Variants in MAP3K3 observed in about 807,000 individuals in gnomAD.
The protein encoded by MAP3K3 is MAP/ERK kinase kinase 3.
Under a neutral mutation model 80.9 loss-of-function variants are expected in MAP3K3, and 12 were observed. The ratio of observed to expected loss-of-function variants is 0.15; its 90% CI spans 0.10 to 0.24. The LOEUF (loss-of-function observed/expected upper bound fraction) is 0.24. Among genes scored for constraint, MAP3K3 ranks in the 10% least tolerant of loss-of-function variants. MAP3K3 has a pLI of 1.00. For synonymous variants in MAP3K3, 272 were observed against 307.1 expected, an observed-to-expected ratio of 0.89 and a Z score of 1.19; for missense variants, 596 against 834.7, an observed-to-expected ratio of 0.71 and a Z score of 3.52.
intron 1 of MAP3K3, among the ~76,000 whole-genome samples, chr17:63,629,991 G>A (rs987274628): frequency 1.3e-5 from 2 of 152,192 alleles, no homozygotes; most frequent in Non-Finnish European, 2.9e-5. Flanking sequence ...GTGCCTGTAT[G>A]TGTATTCACA....
At chr17:63,623,429 T>G (rs780790306) in intron 1 of MAP3K3, among the ~76,000 whole-genome samples, 1 of 152,238 alleles carries the variant, frequency 6.6e-6, no homozygotes, top group Non-Finnish European at 1.5e-5. Flanking sequence ...ATCCTACTTT[T>G]TGAAAAATCC....
chr17:63,652,199 A>G (rs771727927), intron 3 of MAP3K3, among the ~76,000 whole-genome samples: 1 of 152,038 alleles, frequency 6.6e-6, no homozygotes, highest in Non-Finnish European at 1.5e-5. Context: ...AAGTCCCAAC[A>G]GCCCCAGTGT....
At position 63,622,419 on chromosome 17, in the gene MAP3K3, T is replaced by A. The variant is rs1198200054; in HGVS notation, c.-341T>A. The A allele has an allele frequency of 6.5e-6, 1 of 152,762 alleles. No individual in the cohort carries two copies. The highest frequency in any genetic ancestry group is 1.5e-5 in the Non-Finnish European group (1 of 68,312). 9.5% of individuals were successfully genotyped at this position (152,762 alleles called of 1,614,324 possible). A position where few individuals can be genotyped will look rare whatever the true frequency, so the allele number is the denominator to read the frequency against. Reference sequence around the variant, plus strand: ...GCGAGCTGCGCGACCAGCGGTTTGTTTTTCGGAGCGTTCCTGAGGTGGAGA... The same window carrying A: ...GCGAGCTGCGCGACCAGCGGTTTGTATTTCGGAGCGTTCCTGAGGTGGAGA... On this transcript the variant is annotated 5_prime_UTR_variant, in exon 1 of 16. Transcript: ENST00000361733.
chr17:63,633,192 CACTCCAGCCTGGGCAAG>C (rs1259986957), intron 2 of MAP3K3, among the ~76,000 whole-genome samples: 2 of 150,714 alleles, frequency 1.3e-5, no homozygotes, highest in Admixed American at 1.3e-4. Flanking sequence ...AGCACCACTG[CACTCCAGCCTGGGCAAG>C]ACAGAGTGAA....
rs1321884842 is a variant in MAP3K3 at position 63,685,527 on chromosome 17, C to T, written c.647C>T (p.Pro216Leu). The T allele has an allele frequency of 6.2e-7, 1 of 1,614,004 alleles. No homozygotes were observed. Among genetic ancestry groups the T allele is most frequent in the South Asian group, 1.1e-5 (1 of 91,080 alleles). The change falls in exon 8 of 16, where the codon CCC becomes CTC. Residue 216 changes from proline to leucine, a missense_variant. Transcript: ENST00000361733. Reference protein sequence around the residue: ...PETSEQCMLDPLSSAENSLSG... With the variant: ...PETSEQCMLDLLSSAENSLSG... Reference sequence around the variant, plus strand: ...TGACTTGCCTTACAGATGCTGGATCCCCTGAGCAGTGCAGAAAATTCCTTG... The same window carrying T: ...TGACTTGCCTTACAGATGCTGGATCTCCTGAGCAGTGCAGAAAATTCCTTG...
intron 8 of MAP3K3, among the ~76,000 whole-genome samples, chr17:63,686,528 T>C (rs1417348714): frequency 6.6e-6 from 1 of 152,184 alleles, no homozygotes; most frequent in Non-Finnish European, 1.5e-5. Flanking sequence ...ACTCTGGCTT[T>C]GGATTATCTC....
chr17:63,688,589 A>G lies in MAP3K3; in HGVS notation c.773A>G (p.Tyr258Cys), dbSNP rs761176612. The G allele has an allele frequency of 6.2e-7, 1 of 1,613,764 alleles. No homozygotes were observed. The highest frequency in any genetic ancestry group is 8.5e-7 in the Non-Finnish European group (1 of 1,179,836). Residue 258 changes from tyrosine to cysteine, a missense_variant, in exon 9 of 16, where the codon TAC (tyrosine) becomes TGC (cysteine). Tyr to Cys is a radical substitution (Grantham distance 194, BLOSUM62 -2). Transcript: ENST00000361733. ...AQSFPDNRQE[Y>C]SDRETQLYDK... is the part of the protein sequence containing the mutation. ...AGCTTCCCTGACAACAGACAGGAAT[A>G]CTCAGGTGAGTTCCACAGAGCCTGG...
At chr17:63,649,425 C>G (rs1197533733) in intron 3 of MAP3K3, among the ~76,000 whole-genome samples, 2 of 138,450 alleles carry the variant, frequency 1.4e-5, no homozygotes, top group Non-Finnish European at 3.1e-5. Flanking sequence ...GAGCGAGACT[C>G]CATCTCAAAA....
rs961822062 is a variant in MAP3K3, at chr17:63,689,421, T to A, written c.872-123T>A. 8.9e-6 allele frequency: 7 copies of A among 785,940 alleles called. No homozygotes were observed. The East Asian group carries it at 1.9e-4, about 21-fold the overall frequency. 48.7% of individuals were successfully genotyped at this position (785,940 alleles called of 1,614,324 possible). A position where few individuals can be genotyped will look rare whatever the true frequency, so the allele number is the denominator to read the frequency against. ...GCTGGAGCTGGTATTATCTATCACTTCTGGCTGAGACCTGGTTTGTATATT... is the reference window on the plus strand; with the variant it reads ...GCTGGAGCTGGTATTATCTATCACTACTGGCTGAGACCTGGTTTGTATATT... On this transcript the variant is annotated intron_variant, in intron 10 of 15. Coordinates refer to ENST00000361733, the MANE Select transcript of MAP3K3 (RefSeq NM_002401.5). This position sits in a 1 kb window ranked among gnomAD's most constrained non-coding sequence, Gnocchi z 4.3.
chr17:63,634,618 G>T, intron 2 of MAP3K3: 1 of 1,062,810 alleles, frequency 9.4e-7, no homozygotes, highest in African/African-American at 1.6e-5. Flanking sequence ...AGAGGTACTA[G>T]ATCTTTGGAT....
intron 2 of MAP3K3, chr17:63,636,494 T>A (rs1435401093): frequency 6.5e-6 from 1 of 153,004 alleles, no homozygotes; most frequent in Non-Finnish European, 1.5e-5. Flanking sequence ...CAGGCCATGA[T>A]GTGCAGTGTC....
At chr17:63,638,051 CT>C (rs1323735473) in intron 2 of MAP3K3, among the ~76,000 whole-genome samples, 1 of 152,142 alleles carries the variant, frequency 6.6e-6, no homozygotes, top group Non-Finnish European at 1.5e-5. Flanking sequence ...CAGGACCTCC[CT>C]TCTCTTTCAA....
chr17:63,667,536 A>G (rs937177625), intron 6 of MAP3K3, among the ~76,000 whole-genome samples: 4 of 152,224 alleles, frequency 2.6e-5, no homozygotes, highest in Non-Finnish European at 5.9e-5. Flanking sequence ...CTGGAAGGAA[A>G]GGAGACTATT....
intron 4 of MAP3K3, among the ~76,000 whole-genome samples, chr17:63,655,953 G>A (rs897819303): frequency 6.6e-6 from 1 of 152,110 alleles, no homozygotes; most frequent in Non-Finnish European, 1.5e-5. Flanking sequence ...TTTTTGGCGA[G>A]GCGCGATGGT....
Position 63,691,067 on chromosome 17 carries a change from C to T in MAP3K3, c.1213-35C>T, listed in dbSNP as rs1269730226. 17 of 1,612,210 alleles carry T rather than the reference C, an allele frequency of 1.1e-5. No homozygotes were observed. Among genetic ancestry groups the T allele is most frequent in the Admixed American group, 8.3e-5 (5 of 59,930 alleles). ...AACCCAGGCGGGCAGAACTAGGGCC[C>T]TGAGAGCTGAGGCGACCACTGACCC... On this transcript the variant is annotated intron_variant, in intron 12 of 15. Transcript: ENST00000361733. The surrounding 1 kb of genome is among the most constrained non-coding windows in gnomAD (Gnocchi z 4.8).
intron 6 of MAP3K3, among the ~76,000 whole-genome samples, chr17:63,677,012 G>A (rs1157234849): frequency 6.6e-6 from 1 of 152,188 alleles, no homozygotes; most frequent in African/African-American, 2.4e-5. Context: ...TCCATCTTAC[G>A]CCTACCCCAT....
At position 63,687,668 on chromosome 17, in the gene MAP3K3, C is replaced by T. The variant is rs1175147012; in HGVS notation, c.711-859C>T. On this transcript the variant is annotated intron_variant, in intron 8 of 15. Transcript: ENST00000361733. ...TCATGCCACTGCACTCCAGCCTGGG[C>T]GACAGAGCGAGACTCCATCTTAAAA... 8.2e-5 allele frequency among the ~76,000 whole-genome samples: 12 copies of T among 146,574 alleles called. 1 individual carries two copies. The highest frequency in any genetic ancestry group is 1.2e-4 in the Non-Finnish European group (8 of 66,996).
At chr17:63,626,372 T>A (rs2034102438) in intron 1 of MAP3K3, among the ~76,000 whole-genome samples, 1 of 152,230 alleles carries the variant, frequency 6.6e-6, no homozygotes, top group Non-Finnish European at 1.5e-5. Context: ...AGGAGAGAGA[T>A]CAATTCTGTC....
intron 3 of MAP3K3, among the ~76,000 whole-genome samples, chr17:63,650,774 C>A (rs2034639483): frequency 6.6e-6 from 1 of 150,974 alleles, no homozygotes; most frequent in South Asian, 2.1e-4. Context: ...TCACTACAGC[C>A]CTGATCTCCT....
Sources: allele counts gnomAD v4.1 joint callset (sites outside exome capture counted in the v4.1 genomes callset), GRCh38; gene constraint gnomAD v4.1.1; non-coding constraint Gnocchi (gnomAD v3.1); transcripts MANE v1.5; gene names NCBI Gene and HGNC (gene_info 2026-07-23, HGNC 2026-07-21).